Variants in ARHGAP15 observed in about 807,000 individuals in gnomAD.
ARHGAP15 encodes Rho GTPase activating protein 15.
ARHGAP15 carries 51 observed loss-of-function variants against 63.7 expected under a neutral mutation model. That is an observed-to-expected ratio of 0.80 (90% CI 0.64 to 1.01). The LOEUF (loss-of-function observed/expected upper bound fraction) is 1.01. Ranked by LOEUF, ARHGAP15 falls within the 50% of genes least tolerant of loss-of-function variation. The pLI, the probability that ARHGAP15 is intolerant of heterozygous loss-of-function variation, is 0.00. For missense variants in ARHGAP15, 560 were observed against 564.6 expected, an observed-to-expected ratio of 0.99 and a Z score of 0.08; for synonymous variants, 191 against 193.8, an observed-to-expected ratio of 0.99 and a Z score of 0.12.
At chr2:143,752,688 G>A (rs1020643773) in intron 13 of ARHGAP15, among the ~76,000 whole-genome samples, 21 of 152,208 alleles carry the variant, frequency 1.4e-4, no homozygotes, top group African/African-American at 4.6e-4. Context: ...CCCTGTGGAA[G>A]GAAGGAGGTG....
rs528894774 is a variant in ARHGAP15 at position 143,413,711 on chromosome 2, C to T, written c.475-21890C>T. 3.2e-4 allele frequency among the ~76,000 whole-genome samples: 48 copies of T among 152,116 alleles called. No homozygotes were observed. The South Asian group carries it at 9.3e-3, about 30-fold the overall frequency. ...CTGATTCTGAACTCCTGGGCTCAAG[C>T]GATCCTCCCACCTTGACCTCCCAAA... On this transcript the variant is annotated intron_variant, in intron 6 of 13. Coordinates refer to ENST00000295095, the MANE Select transcript of ARHGAP15 (RefSeq NM_018460.4).
At chr2:143,659,881 T>A (rs1681660937) in intron 12 of ARHGAP15, among the ~76,000 whole-genome samples, 2 of 147,918 alleles carry the variant, frequency 1.4e-5, no homozygotes, top group South Asian at 4.2e-4. Flanking sequence ...CAATGCTTTT[T>A]ATCTTGGAGT....
intron 3 of ARHGAP15, among the ~76,000 whole-genome samples, chr2:143,205,678 C>T (rs1433483998): frequency 6.6e-6 from 1 of 152,084 alleles, no homozygotes; most frequent in African/African-American, 2.4e-5. Context: ...CAAGTTGAAC[C>T]CTTCATCAGT....
chr2:143,323,572 G>A (rs1251456440), intron 6 of ARHGAP15, among the ~76,000 whole-genome samples: 1 of 152,004 alleles, frequency 6.6e-6, no homozygotes, highest in East Asian at 1.9e-4. Flanking sequence ...TGATTCAGTG[G>A]CCCATTCTGT....
At chr2:143,537,165 A>C (rs971900693) in intron 10 of ARHGAP15, among the ~76,000 whole-genome samples, 10 of 152,298 alleles carry the variant, frequency 6.6e-5, no homozygotes, top group Middle Eastern at 3.4e-3. Context: ...TTTTGGCTGC[A>C]TAAATGTCTT....
At chr2:143,207,199 C>A (rs571946451) in intron 3 of ARHGAP15, among the ~76,000 whole-genome samples, 1 of 151,772 alleles carries the variant, frequency 6.6e-6, no homozygotes, top group Non-Finnish European at 1.5e-5. Context: ...GATTTACTTG[C>A]ATATAGTAGG....
intron 13 of ARHGAP15, among the ~76,000 whole-genome samples, chr2:143,715,840 T>G (rs1226546596): frequency 6.6e-6 from 1 of 152,340 alleles, no homozygotes; most frequent in South Asian, 2.1e-4. Context: ...TCTTCTATGG[T>G]TTTTATAGTG....
At chr2:143,517,548 G>A (rs1484227837) in intron 9 of ARHGAP15, among the ~76,000 whole-genome samples, 1 of 152,160 alleles carries the variant, frequency 6.6e-6, no homozygotes. Flanking sequence ...CTTCTAGTAT[G>A]TGCCAACACT....
At chr2:143,464,131 T>C (rs944528182) in intron 8 of ARHGAP15, among the ~76,000 whole-genome samples, 1 of 152,236 alleles carries the variant, frequency 6.6e-6, no homozygotes, top group African/African-American at 2.4e-5. Context: ...AATTATATTT[T>C]AGTCAAAACC....
At chr2:143,187,675 A>G (rs1270661761) in intron 2 of ARHGAP15, among the ~76,000 whole-genome samples, 3 of 152,302 alleles carry the variant, frequency 2.0e-5, no homozygotes, top group Non-Finnish European at 2.9e-5. Flanking sequence ...AGTTGCTACC[A>G]TTGTAATTTT....
intron 6 of ARHGAP15, among the ~76,000 whole-genome samples, chr2:143,428,379 A>G (rs1238278766): frequency 2.0e-5 from 3 of 151,840 alleles, no homozygotes; most frequent in African/African-American, 7.3e-5. Context: ...CAAATTAAAG[A>G]GTTTGCACTG....
intron 13 of ARHGAP15, among the ~76,000 whole-genome samples, chr2:143,739,748 A>G (rs1685888855): frequency 6.6e-6 from 1 of 152,164 alleles, no homozygotes; most frequent in African/African-American, 2.4e-5. Context: ...CATAGCATTC[A>G]GCTGACTTTT....
At chr2:143,175,076 ACT>A (rs1338496865) in intron 2 of ARHGAP15, among the ~76,000 whole-genome samples, 1 of 152,152 alleles carries the variant, frequency 6.6e-6, no homozygotes, top group Non-Finnish European at 1.5e-5. Context: ...GAAAGTGGAC[ACT>A]CTGTAGTGGT....
chr2:143,200,043 C>CA (rs1331389934), intron 2 of ARHGAP15, among the ~76,000 whole-genome samples: 1 of 152,054 alleles, frequency 6.6e-6, no homozygotes, highest in Non-Finnish European at 1.5e-5. Context: ...TCTCATTTGT[C>CA]AAAGGAAAAA....
intron 8 of ARHGAP15, among the ~76,000 whole-genome samples, chr2:143,472,720 G>A: frequency 6.6e-6 from 1 of 152,052 alleles, no homozygotes; most frequent in Non-Finnish European, 1.5e-5. Flanking sequence ...AAGAGGAGGA[G>A]GAAGGGAGGG....
chr2:143,214,858 T>C (rs764548055), intron 3 of ARHGAP15, among the ~76,000 whole-genome samples: 5 of 152,250 alleles, frequency 3.3e-5, no homozygotes, highest in East Asian at 1.9e-4. Flanking sequence ...ATTTTAGTTA[T>C]TTGGAACAAC....
chr2:143,275,916 C>A (rs894697926), intron 6 of ARHGAP15, among the ~76,000 whole-genome samples: 13 of 152,192 alleles, frequency 8.5e-5, no homozygotes, highest in Admixed American at 2.6e-4. Context: ...CCCTGGCTAT[C>A]TGAACAGGTA....
chr2:143,554,556 T>G (rs1353889569), intron 10 of ARHGAP15, among the ~76,000 whole-genome samples: 1 of 152,118 alleles, frequency 6.6e-6, no homozygotes, highest in Non-Finnish European at 1.5e-5. Flanking sequence ...TGTACAATTT[T>G]TAATATTTTT....
intron 3 of ARHGAP15, among the ~76,000 whole-genome samples, chr2:143,204,798 G>A (rs897013410): frequency 2.6e-5 from 4 of 151,848 alleles, no homozygotes; most frequent in South Asian, 2.1e-4. Flanking sequence ...TCCTCTGCCC[G>A]GCCATCCCAC....
Sources: allele counts gnomAD v4.1 joint callset (sites outside exome capture counted in the v4.1 genomes callset), GRCh38; gene constraint gnomAD v4.1.1; transcripts MANE v1.5; gene names NCBI Gene and HGNC (gene_info 2026-07-23, HGNC 2026-07-21).